The following PLCH1 variants were observed in gnomAD, a reference collection of about 807,000 sequenced individuals.
PLCH1 encodes phospholipase C eta 1.
Under a neutral mutation model 126.7 loss-of-function variants are expected in PLCH1, and 60 were observed. The ratio of observed to expected loss-of-function variants is 0.47; its 90% confidence interval spans 0.38 to 0.59. The LOEUF is 0.59. Ranked by LOEUF, PLCH1 falls within the 20% of genes least tolerant of loss-of-function variation. The probability of loss-of-function intolerance (pLI) is 0.00; values close to 1 mark genes in which losing one functional copy is unlikely to be tolerated. For synonymous variants in PLCH1, 719 were observed against 734.9 expected, an observed-to-expected ratio of 0.98 and a Z score of 0.35; for missense variants, 1,723 against 2,040.0, an observed-to-expected ratio of 0.84 and a Z score of 2.99.
chr3:155,454,980 A>G (rs1712405306), intron 21 of PLCH1, among the ~76,000 whole-genome samples: 1 of 152,220 alleles, frequency 6.6e-6, no homozygotes, highest in Non-Finnish European at 1.5e-5. Flanking sequence ...TTTGGCAAAG[A>G]GGTGAAGCTT....
chr3:155,623,968 T>C (rs1736886101), intron 2 of PLCH1, among the ~76,000 whole-genome samples: 1 of 152,180 alleles, frequency 6.6e-6, no homozygotes, highest in Non-Finnish European at 1.5e-5. Context: ...TTCAGGCCCA[T>C]ATCCCTGATG....
intron 1 of PLCH1, among the ~76,000 whole-genome samples, chr3:155,735,792 A>C (rs1749139427): frequency 6.6e-6 from 1 of 152,364 alleles, no homozygotes; most frequent in Admixed American, 6.5e-5. Flanking sequence ...TTTGTCAATT[A>C]AAGAAAATAA....
intron 2 of PLCH1, among the ~76,000 whole-genome samples, chr3:155,664,668 T>A (rs1742535480): frequency 6.6e-6 from 1 of 152,224 alleles, no homozygotes; most frequent in Non-Finnish European, 1.5e-5. Context: ...GGTACATTTT[T>A]TTAAATTGCA....
At chr3:155,545,839 G>GCA in intron 10 of PLCH1, among the ~76,000 whole-genome samples, 1 of 151,970 alleles carries the variant, frequency 6.6e-6, no homozygotes, top group African/African-American at 2.4e-5. Context: ...AATTCAACAA[G>GCA]CTTCATGCTA....
chr3:155,505,861 T>C (rs896804718), intron 12 of PLCH1, among the ~76,000 whole-genome samples: 1 of 151,904 alleles, frequency 6.6e-6, no homozygotes, highest in Non-Finnish European at 1.5e-5. Context: ...AGTAGCTACA[T>C]TTCCTTTAGC....
In PLCH1 at chr3:155,703,088, T is replaced by C. The variant is rs544026711; in HGVS notation, c.79+1058A>G. ...ATCTCTGTTTCTCTTTCTTCATCTG[T>C]AAAATGAAATCACTCTCTACTTTAC... is the stretch of plus-strand genomic sequence containing the variant. On this transcript the variant is annotated intron_variant, in intron 2 of 22. Coordinates refer to ENST00000460012, the MANE Select transcript of PLCH1 (RefSeq NM_014996.4). 2.0e-5 allele frequency among the ~76,000 whole-genome samples: 3 copies of C among 152,348 alleles called. No homozygotes were observed. In the East Asian group the frequency reaches 5.8e-4, roughly 29 times the overall value.
chr3:155,668,321 G>A (rs1246751685), intron 2 of PLCH1, among the ~76,000 whole-genome samples: 1 of 152,032 alleles, frequency 6.6e-6, no homozygotes, highest in Non-Finnish European at 1.5e-5. Flanking sequence ...AAAAGCACTG[G>A]ACTTAGAAAG....
At chr3:155,703,244 C>A (rs1448677110) in intron 2 of PLCH1, among the ~76,000 whole-genome samples, 1 of 152,170 alleles carries the variant, frequency 6.6e-6, no homozygotes, top group Non-Finnish European at 1.5e-5. Flanking sequence ...AGTCTGTCAT[C>A]AAATTGGGGA....
chr3:155,743,425 G>C (rs1749761962), intron 1 of PLCH1: 5 of 389,416 alleles, frequency 1.3e-5, no homozygotes, highest in Non-Finnish European at 2.5e-5. Flanking sequence ...CCAGATACTC[G>C]GGAGGCTGAG....
intron 2 of PLCH1, among the ~76,000 whole-genome samples, chr3:155,637,534 G>A (rs1245201363): frequency 1.3e-5 from 2 of 152,122 alleles, no homozygotes; most frequent in African/African-American, 4.8e-5. Context: ...TTTTTTCCTC[G>A]AAGTGGGAAA....
intron 2 of PLCH1, among the ~76,000 whole-genome samples, chr3:155,604,243 T>C (rs1399891916): frequency 6.6e-6 from 1 of 152,162 alleles, no homozygotes; most frequent in Non-Finnish European, 1.5e-5. Context: ...AAAAAGCTAT[T>C]CCTTGCCAGT....
intron 8 of PLCH1, among the ~76,000 whole-genome samples, chr3:155,563,614 C>T (rs1727920174): frequency 6.7e-6 from 1 of 150,228 alleles, no homozygotes; most frequent in Non-Finnish European, 1.5e-5. Flanking sequence ...CTCCCTTCTC[C>T]CTCCACAAAC....
At chr3:155,591,955 C>T (rs1428078170) in intron 4 of PLCH1, among the ~76,000 whole-genome samples, 1 of 152,070 alleles carries the variant, frequency 6.6e-6, no homozygotes, top group Non-Finnish European at 1.5e-5. Context: ...ATCCTTCCCC[C>T]TCAGCCTCCT....
intron 2 of PLCH1, among the ~76,000 whole-genome samples, chr3:155,620,953 T>C (rs1044787010): frequency 7.2e-5 from 11 of 152,164 alleles, no homozygotes; most frequent in Admixed American, 6.5e-4. Context: ...CTGACCCCCA[T>C]GTATCCTGAC....
chr3:155,540,352 ACC>A (rs1476813237), intron 10 of PLCH1, among the ~76,000 whole-genome samples: 1 of 152,122 alleles, frequency 6.6e-6, no homozygotes, highest in Non-Finnish European at 1.5e-5. Context: ...ATGACTAAGA[ACC>A]CAAGAGTGAA....
Position 155,458,433 on chromosome 3 carries a change from GGAAGGAAGGAAGGAAGGAAGGAAAGAAA to G in PLCH1, c.2938+26895_2938+26922del, listed in dbSNP as rs1242410695. On this transcript the variant is annotated intron_variant, in intron 21 of 21. Transcript: ENST00000494598. ...AGGAAGGAAGGAAGGAAGGAAGGAA[GGAAGGAAGGAAGGAAGGAAGGAAAGAAA>G]GAAAGAAAGAAAGAAAGAAAGAAAG... Among the ~76,000 whole-genome samples, 62 of 78,224 alleles carry G rather than the reference GGAAGGAAGGAAGGAAGGAAGGAAAGAAA, an allele frequency of 7.9e-4. 1 individual carries two copies. Among genetic ancestry groups the G allele is most frequent in the Admixed American group, 3.5e-3 (27 of 7,802 alleles). The allele number at this position is 78,224 out of a possible 152,430, so 51.3% of individuals were successfully genotyped here.
chr3:155,543,418 T>C (rs564827859), intron 10 of PLCH1, among the ~76,000 whole-genome samples: 4 of 152,218 alleles, frequency 2.6e-5, no homozygotes, highest in East Asian at 1.9e-4. Flanking sequence ...CTGATTGGTG[T>C]ACCTGAAAGT....
intron 2 of PLCH1, among the ~76,000 whole-genome samples, chr3:155,697,838 A>ATCTACAGAAGATGGAAGCAGAGGGAG (rs1316988740): frequency 2.6e-5 from 4 of 152,288 alleles, no homozygotes; most frequent in Admixed American, 2.0e-4. Flanking sequence ...AAAACTGAGA[A>ATCTACAGAAGATGGAAGCAGAGGGAG]TCTACAGAAG....
At position 155,593,934 on chromosome 3, in the gene PLCH1, A is replaced by T. The variant is rs201263572; in HGVS notation, c.470+7T>A. The T allele has an allele frequency of 6.2e-7, 1 of 1,613,694 alleles. No homozygotes were observed. The highest frequency in any genetic ancestry group is 1.3e-5 in the African/African-American group (1 of 75,034). ...GAGAGCTGAAAATAAAGTTCTAGAA[A>T]GGATATTGGTCATGGGTCCTCTGCC... On this transcript the variant is annotated splice_region_variant and intron_variant, in intron 4 of 22. Coordinates refer to ENST00000460012, the MANE Select transcript of PLCH1 (RefSeq NM_014996.4).
Sources: gnomAD v4.1 joint callset for allele counts (sites outside exome capture counted in the v4.1 genomes callset) on GRCh38, gnomAD v4.1.1 for gene constraint, MANE v1.5 for transcripts, NCBI Gene and HGNC (gene_info 2026-07-23, HGNC 2026-07-21) for gene names.